Variants in CCDC33 observed in about 807,000 individuals in gnomAD.
CCDC33 encodes the protein coiled-coil domain containing 33, also known as coiled-coil domain-containing protein 33.
In CCDC33, 94 loss-of-function variants were observed where a neutral mutation model predicts 91.9. The ratio of observed to expected loss-of-function variants is 1.02; its 90% CI spans 0.87 to 1.21. The LOEUF (loss-of-function observed/expected upper bound fraction) is 1.21, where lower values mean the gene tolerates loss of function less well. Among genes scored for constraint, CCDC33 ranks in the 50% most tolerant of loss-of-function variants. The pLI is 0.00. For synonymous variants in CCDC33, 396 were observed against 374.5 expected (o/e 1.06, Z -0.66); for missense variants, 940 against 935.5 (o/e 1.00, Z -0.06).
intron 2 of CCDC33, among the ~76,000 whole-genome samples, chr15:74,250,065 T>C (rs1011885531): frequency 6.6e-6 from 1 of 152,168 alleles, no homozygotes; most frequent in Non-Finnish European, 1.5e-5. Flanking sequence ...GTGTCAGGAA[T>C]CACATTCTTC....
At chr15:74,312,492 G>A (rs1324241167) in intron 11 of CCDC33, among the ~76,000 whole-genome samples, 1 of 152,132 alleles carries the variant, frequency 6.6e-6, no homozygotes, top group Admixed American at 6.5e-5. Flanking sequence ...GCGAGACATC[G>A]GTAAGTGCTC....
intron 11 of CCDC33, chr15:74,318,725 G>A: frequency 2.8e-6 from 2 of 709,678 alleles, no homozygotes; most frequent in Non-Finnish European, 5.2e-6. Context: ...AGGTGTGTTG[G>A]GGTGTGTTGC....
intron 1 of CCDC33, among the ~76,000 whole-genome samples, chr15:74,239,187 G>C (rs1003366005): frequency 1.3e-5 from 2 of 152,040 alleles, no homozygotes; most frequent in Admixed American, 1.3e-4. Context: ...GGCCCTTCTA[G>C]AGGGCAGAAC....
At chr15:74,259,225 C>T (rs2075957528) in intron 2 of CCDC33, among the ~76,000 whole-genome samples, 1 of 151,978 alleles carries the variant, frequency 6.6e-6, no homozygotes, top group African/African-American at 2.4e-5. Flanking sequence ...TCTCTCCTTG[C>T]AGACAGCCTG....
intron 2 of CCDC33, among the ~76,000 whole-genome samples, chr15:74,222,738 T>C (rs55859302): frequency 0.22 from 33,722 of 150,696 alleles, 4,518 homozygotes; most frequent in East Asian, 0.37. Flanking sequence ...CACGGAGCTG[T>C]TGTGAACGGC....
chr15:74,296,649 A>T (rs1337289466), intron 11 of CCDC33, among the ~76,000 whole-genome samples: 2 of 152,140 alleles, frequency 1.3e-5, no homozygotes, highest in South Asian at 2.1e-4. Context: ...TAATAATAAT[A>T]AAAGAGGACA....
chr15:74,297,037 C>T (rs557353761), intron 11 of CCDC33, among the ~76,000 whole-genome samples: 9 of 152,342 alleles, frequency 5.9e-5, no homozygotes, highest in African/African-American at 1.9e-4. Context: ...ACAGCCTCCT[C>T]ATCTTCCCCT....
In CCDC33 at chr15:74,316,661, C is replaced by T. The variant is rs1022222012; in HGVS notation, c.1291-13528C>T. On this transcript the variant is annotated intron_variant, in intron 11 of 18. Coordinates refer to ENST00000398814, the MANE Select transcript of CCDC33 (RefSeq NM_025055.5). This position sits in a 1 kb window ranked among gnomAD's most constrained non-coding sequence, Gnocchi z 4.7. Reference sequence around the variant, plus strand: ...CTCAGTGCCAGCCAGTGACTGGTGCCATCCAGGGAGGATGGCCGACTCCAC... The same window carrying T: ...CTCAGTGCCAGCCAGTGACTGGTGCTATCCAGGGAGGATGGCCGACTCCAC... 2.0e-5 allele frequency among the ~76,000 whole-genome samples: 3 copies of T among 152,110 alleles called. No homozygotes were observed. Among genetic ancestry groups the T allele is most frequent in the African/African-American group, 7.2e-5 (3 of 41,416 alleles).
At position 74,272,842 on chromosome 15, in the gene CCDC33, C is replaced by T. The variant is rs1011295381; in HGVS notation, c.710C>T (p.Ser237Phe). 2.0e-5 allele frequency: 32 copies of T among 1,614,122 alleles called. No individual in the cohort carries two copies. The highest frequency in any genetic ancestry group is 2.5e-5 in the Non-Finnish European group (29 of 1,180,036). ...ACCCCACTGTCCTTCCCTATCCCGTCCATGATGAACTTTGACGTGCCTCGC... is the reference window on the plus strand; with the variant it reads ...ACCCCACTGTCCTTCCCTATCCCGTTCATGATGAACTTTGACGTGCCTCGC... Reference protein sequence around the residue: ...PITPLSFPIPSMMNFDVPRVS... With the variant: ...PITPLSFPIPFMMNFDVPRVS... The change falls in exon 7 of 19, where the codon TCC becomes TTC. Residue 237 changes from serine (S) to phenylalanine (F), a missense_variant. Ser to Phe is a radical substitution (Grantham distance 155). Transcript: ENST00000398814.
intron 10 of CCDC33, among the ~76,000 whole-genome samples, chr15:74,289,159 C>G (rs1306901489): frequency 6.6e-6 from 1 of 152,176 alleles, no homozygotes; most frequent in Non-Finnish European, 1.5e-5. Flanking sequence ...ATAAGGACAT[C>G]AGGAGGCCTT....
At chr15:74,281,433 A>T (rs2059360933) in intron 9 of CCDC33, among the ~76,000 whole-genome samples, 1 of 152,258 alleles carries the variant, frequency 6.6e-6, no homozygotes, top group African/African-American at 2.4e-5. Context: ...ACTTAGAGTA[A>T]GTTCTCAACA....
intron 11 of CCDC33, among the ~76,000 whole-genome samples, chr15:74,327,560 G>C (rs2060334340): frequency 6.6e-6 from 1 of 152,192 alleles, no homozygotes; most frequent in African/African-American, 2.4e-5. Flanking sequence ...GCTTGAACCT[G>C]GGAGGCAGAG....
At chr15:74,279,719 T>C (rs533070822) in intron 7 of CCDC33, among the ~76,000 whole-genome samples, 2 of 152,244 alleles carry the variant, frequency 1.3e-5, no homozygotes, top group East Asian at 1.9e-4. Context: ...GTATTTTTAG[T>C]AGAGACAGGG....
intron 7 of CCDC33, among the ~76,000 whole-genome samples, chr15:74,278,631 A>G (rs568950900): frequency 1.3e-5 from 2 of 152,356 alleles, no homozygotes; most frequent in Non-Finnish European, 2.9e-5. Flanking sequence ...GGGTGTGCTC[A>G]GTGCCACTCC....
chr15:74,239,146 C>T (rs796993402), intron 1 of CCDC33, among the ~76,000 whole-genome samples: 14 of 152,310 alleles, frequency 9.2e-5, no homozygotes, highest in African/African-American at 2.6e-4. Flanking sequence ...AGCCCAGCCC[C>T]GCTCCAGCTA....
chr15:74,293,552 C>G (rs1271029197), intron 10 of CCDC33, among the ~76,000 whole-genome samples: 2 of 152,006 alleles, frequency 1.3e-5, no homozygotes, highest in Non-Finnish European at 2.9e-5. Flanking sequence ...GCCAGAAAAC[C>G]CTAAACCATC....
intron 10 of CCDC33, among the ~76,000 whole-genome samples, chr15:74,289,118 T>G (rs1046891758): frequency 6.6e-6 from 1 of 152,106 alleles, no homozygotes. Flanking sequence ...TGCCCGCCCC[T>G]CATGACAGCT....
upstream of CCDC33, among the ~76,000 whole-genome samples, chr15:74,214,344 C>G (rs1450483846): frequency 6.6e-6 from 1 of 152,106 alleles, no homozygotes; most frequent in Non-Finnish European, 1.5e-5. Flanking sequence ...CAAGGCTGCT[C>G]CCTTCCTGCC....
chr15:74,237,816 G>A (rs1336354260), intron 1 of CCDC33, among the ~76,000 whole-genome samples: 1 of 152,238 alleles, frequency 6.6e-6, no homozygotes, highest in Non-Finnish European at 1.5e-5. Context: ...GTAGCTTTGA[G>A]AAGCGCTTTT....
Sources: gnomAD v4.1 joint callset for allele counts (sites outside exome capture counted in the v4.1 genomes callset) on GRCh38, gnomAD v4.1.1 for gene constraint, Gnocchi (gnomAD v3.1) non-coding constraint, MANE v1.5 for transcripts, NCBI Gene and HGNC (gene_info 2026-07-23, HGNC 2026-07-21) for gene names.